The following ERC2 variants were observed in gnomAD, a reference collection of about 807,000 sequenced individuals.
The protein encoded by ERC2 is ERC protein 2.
Under a neutral mutation model 114.8 loss-of-function variants are expected in ERC2, and 42 were observed. That is an observed-to-expected ratio of 0.37 (90% CI 0.29 to 0.47). ERC2 has a LOEUF of 0.47. Among genes scored for constraint, ERC2 ranks in the 20% least tolerant of loss-of-function variants. The probability of loss-of-function intolerance (pLI) is 0.99; values close to 1 mark genes in which losing one functional copy is unlikely to be tolerated. For missense variants in ERC2, 939 were observed against 1,150.7 expected, an observed-to-expected ratio of 0.82 and a Z score of 2.66; for synonymous variants, 454 against 425.5, an observed-to-expected ratio of 1.07 and a Z score of -0.82.
At chr3:55,607,177 T>C (rs1332925340) in intron 17 of ERC2, among the ~76,000 whole-genome samples, 1 of 152,052 alleles carries the variant, frequency 6.6e-6, no homozygotes, top group African/African-American at 2.4e-5. Context: ...CCTGCCCCCA[T>C]GGAGCTTATG....
chr3:56,042,357 A>T (rs2075239517), intron 7 of ERC2, among the ~76,000 whole-genome samples: 1 of 152,248 alleles, frequency 6.6e-6, no homozygotes. Context: ...AGCGAAGAAG[A>T]GGAGCTTCCT....
intron 2 of ERC2, among the ~76,000 whole-genome samples, chr3:56,401,806 G>A (rs568196566): frequency 2.0e-4 from 30 of 152,304 alleles, no homozygotes; most frequent in African/African-American, 7.2e-4. Flanking sequence ...AGCAGCAGCA[G>A]AAGCAGGGCC....
chr3:55,793,217 G>A (rs892735777), intron 14 of ERC2, among the ~76,000 whole-genome samples: 1 of 152,098 alleles, frequency 6.6e-6, no homozygotes, highest in African/African-American at 2.4e-5. Flanking sequence ...ATTCGTTCAA[G>A]GTACTCTGCA....
chr3:56,337,255 T>A (rs1313366409), intron 2 of ERC2, among the ~76,000 whole-genome samples: 1 of 152,194 alleles, frequency 6.6e-6, no homozygotes, highest in Admixed American at 6.5e-5. Context: ...AACCCACAAG[T>A]ATAAGCAGAA....
chr3:55,623,879 T>G (rs1251011049), intron 17 of ERC2, among the ~76,000 whole-genome samples: 1 of 152,244 alleles, frequency 6.6e-6, no homozygotes, highest in Admixed American at 6.5e-5. Context: ...ATTGACTTGC[T>G]GAGAGAATTA....
chr3:55,644,030 G>GT (rs1478429711), intron 17 of ERC2, among the ~76,000 whole-genome samples: 1 of 151,972 alleles, frequency 6.6e-6, no homozygotes, highest in African/African-American at 2.4e-5. Flanking sequence ...GGATGAAAGG[G>GT]GTCAAGCAGA....
At chr3:55,673,931 G>A (rs2061672971) in intron 17 of ERC2, among the ~76,000 whole-genome samples, 1 of 151,164 alleles carries the variant, frequency 6.6e-6, no homozygotes, top group African/African-American at 2.4e-5. Flanking sequence ...CAGCAAGGTT[G>A]CTAATTCCAT....
At chr3:55,883,611 C>T (rs1226594302) in intron 14 of ERC2, among the ~76,000 whole-genome samples, 1 of 151,756 alleles carries the variant, frequency 6.6e-6, no homozygotes, top group Non-Finnish European at 1.5e-5. Flanking sequence ...ATGTTAAGGC[C>T]GGGTGCAGTG....
At chr3:55,930,674 T>C (rs188388183) in intron 13 of ERC2, among the ~76,000 whole-genome samples, 1 of 152,242 alleles carries the variant, frequency 6.6e-6, no homozygotes, top group East Asian at 1.9e-4. Flanking sequence ...TTGGCAATAC[T>C]ATTCAGGACA....
chr3:55,814,139 A>G (rs2059822693), intron 14 of ERC2, among the ~76,000 whole-genome samples: 1 of 152,244 alleles, frequency 6.6e-6, no homozygotes, highest in African/African-American at 2.4e-5. Flanking sequence ...ATCTAAGTGT[A>G]TCTCTGGCAT....
intron 17 of ERC2, among the ~76,000 whole-genome samples, chr3:55,553,947 T>C (rs2055414628): frequency 2.0e-5 from 3 of 152,218 alleles, no homozygotes; most frequent in Non-Finnish European, 4.4e-5. Context: ...TAGTTTCTTC[T>C]TCAAATTTTA....
chr3:55,865,596 A>C (rs1031872229), intron 14 of ERC2, among the ~76,000 whole-genome samples: 2 of 151,936 alleles, frequency 1.3e-5, no homozygotes, highest in African/African-American at 4.8e-5. Context: ...AGAACCCTAT[A>C]CCCATTACCA....
At chr3:56,328,638 C>T (rs1283012143) in intron 2 of ERC2, among the ~76,000 whole-genome samples, 1 of 152,096 alleles carries the variant, frequency 6.6e-6, no homozygotes, top group African/African-American at 2.4e-5. Context: ...TTTACCAAGC[C>T]CCATACATGA....
chr3:55,856,591 C>A, intron 14 of ERC2, among the ~76,000 whole-genome samples: 1 of 152,068 alleles, frequency 6.6e-6, no homozygotes, highest in East Asian at 1.9e-4. Flanking sequence ...TATATACATA[C>A]ACATACAATA....
intron 9 of ERC2, among the ~76,000 whole-genome samples, chr3:56,008,193 G>A (rs539533255): frequency 6.6e-6 from 1 of 152,158 alleles, no homozygotes; most frequent in Non-Finnish European, 1.5e-5. Context: ...AGATACTAAA[G>A]ACACAATGGT....
At chr3:56,379,670 A>G (rs1340721177) in intron 2 of ERC2, among the ~76,000 whole-genome samples, 2 of 152,206 alleles carry the variant, frequency 1.3e-5, no homozygotes, top group African/African-American at 2.4e-5. Flanking sequence ...TATGAAATGC[A>G]CGGTTAAGAA....
chr3:55,599,829 A>G (rs781707077), intron 17 of ERC2, among the ~76,000 whole-genome samples: 5 of 152,192 alleles, frequency 3.3e-5, no homozygotes, highest in Non-Finnish European at 7.3e-5. Flanking sequence ...AGTCTTGTGG[A>G]TGAATAACGC....
At chr3:55,515,835 C>T (rs2052458482) in intron 17 of ERC2, among the ~76,000 whole-genome samples, 1 of 152,074 alleles carries the variant, frequency 6.6e-6, no homozygotes, top group African/African-American at 2.4e-5. Flanking sequence ...AATAAAGACA[C>T]CTGCCCGATT....
chr3:56,416,264 C>G (rs2061150220), intron 2 of ERC2, among the ~76,000 whole-genome samples: 1 of 152,228 alleles, frequency 6.6e-6, no homozygotes, highest in African/African-American at 2.4e-5. Flanking sequence ...TGACCACCTC[C>G]TCCTGAGGTT....
Sources: allele counts gnomAD v4.1 joint callset (sites outside exome capture counted in the v4.1 genomes callset), GRCh38; gene constraint gnomAD v4.1.1; transcripts MANE v1.5; gene names NCBI Gene and HGNC (gene_info 2026-07-23, HGNC 2026-07-21).